C1orf21: variants seen among roughly 807,000 people sequenced by gnomAD.
C1orf21 encodes the protein chromosome 1 open reading frame 21.
In C1orf21, 3 loss-of-function variants were observed where a neutral mutation model predicts 18.7. The observed-to-expected ratio is 0.16, with a 90% CI of 0.07 to 0.42. The LOEUF is 0.42. C1orf21 is among the 10% of genes least tolerant of loss of function. C1orf21 has a pLI of 0.99. For missense variants in C1orf21, 104 were observed against 143.6 expected (o/e 0.72, Z 1.41); for synonymous variants, 41 against 46.4 (o/e 0.88, Z 0.47).
intron 3 of C1orf21, among the ~76,000 whole-genome samples, chr1:184,570,071 C>T (rs1380486855): frequency 1.3e-5 from 2 of 152,142 alleles, no homozygotes; most frequent in African/African-American, 2.4e-5. Context: ...ATCATTCTGC[C>T]TTGTTCACCC....
chr1:184,454,823 T>G (rs550265062), intron 1 of C1orf21, among the ~76,000 whole-genome samples: 120 of 152,292 alleles, frequency 7.9e-4, no homozygotes, highest in African/African-American at 2.7e-3. Flanking sequence ...TTCAACCTCT[T>G]TTCTTTATAA....
At chr1:184,564,757 C>T (rs1416960463) in intron 3 of C1orf21, among the ~76,000 whole-genome samples, 3 of 152,158 alleles carry the variant, frequency 2.0e-5, no homozygotes, top group African/African-American at 4.8e-5. Context: ...TCAGGAATTG[C>T]TAGCACTAGG....
chr1:184,392,158 A>G (rs927086592), intron 1 of C1orf21, among the ~76,000 whole-genome samples: 4 of 152,206 alleles, frequency 2.6e-5, no homozygotes, highest in Non-Finnish European at 5.9e-5. Flanking sequence ...CCTAATATTT[A>G]TAGTGTGCCT....
At chr1:184,468,088 C>A (rs1037607983) in intron 1 of C1orf21, among the ~76,000 whole-genome samples, 4 of 152,024 alleles carry the variant, frequency 2.6e-5, no homozygotes, top group African/African-American at 7.2e-5. Context: ...AAGTCCTTCC[C>A]CCCAAAAAGA....
At chr1:184,594,339 C>T (rs975981786) in intron 4 of C1orf21, among the ~76,000 whole-genome samples, 22 of 152,140 alleles carry the variant, frequency 1.4e-4, no homozygotes, top group African/African-American at 5.3e-4. Context: ...CCCCAACCCT[C>T]TCAGGATTTC....
chr1:184,589,925 G>C (rs1044528178), intron 3 of C1orf21, among the ~76,000 whole-genome samples: 1 of 152,122 alleles, frequency 6.6e-6, no homozygotes, highest in Non-Finnish European at 1.5e-5. Context: ...TCTAGATTTG[G>C]TCTTTAATTG....
chr1:184,456,537 T>G (rs1380521914), intron 1 of C1orf21, among the ~76,000 whole-genome samples: 3 of 152,228 alleles, frequency 2.0e-5, no homozygotes, highest in Non-Finnish European at 4.4e-5. Flanking sequence ...GTTTATATTC[T>G]TTTACGGTAA....
chr1:184,440,193 G>A lies in C1orf21; in HGVS notation c.-124-37193G>A, dbSNP rs551186864. Among the ~76,000 whole-genome samples the A allele has an allele frequency of 1.1e-4, 17 of 152,256 alleles. 1 individual carries two copies. The South Asian group carries it at 3.5e-3, about 32-fold the overall frequency. On this transcript the variant is annotated intron_variant, in intron 1 of 5. Transcript: ENST00000235307. ...ATTGAGACTTGCTTTAAGATGAACA[G>A]CATCAGAAAACATATTGATTTCCTT...
At chr1:184,576,403 G>A (rs1302235048) in intron 3 of C1orf21, among the ~76,000 whole-genome samples, 1 of 152,218 alleles carries the variant, frequency 6.6e-6, no homozygotes, top group Non-Finnish European at 1.5e-5. Context: ...GGGATTACAG[G>A]CGTGAGCCAC....
rs527590898 is a variant in C1orf21 at position 184,518,470 on chromosome 1, C to G, written c.189+10788C>G. ...TAGGTAAGAGTTAATACCTACTTCC[C>G]TTGAAGAAAGAGTTATATCTTCATA... On this transcript the variant is annotated intron_variant, in intron 3 of 5. Transcript: ENST00000235307. Among the ~76,000 whole-genome samples the G allele has an allele frequency of 5.9e-5, 9 of 152,246 alleles. No individual in the cohort carries two copies. In the South Asian group the frequency reaches 1.9e-3, roughly 32 times the overall value.
At chr1:184,587,547 TGTGTGTG>T (rs1379934699) in intron 3 of C1orf21, among the ~76,000 whole-genome samples, 1,839 of 151,214 alleles carry the variant, frequency 0.012, 45 homozygotes, top group African/African-American at 0.041. Context: ...TGTGTGTGTG[TGTGTGTG>T]TGTGTGTGTG....
chr1:184,590,855 C>A (rs1176207065), intron 4 of C1orf21, 40 bp downstream of exon 4: 3 of 1,515,674 alleles, frequency 2.0e-6, no homozygotes, highest in Non-Finnish European at 2.7e-6. Context: ...AGTCGGCCTT[C>A]CATATCCATG....
chr1:184,518,713 C>G (rs1369321166), intron 3 of C1orf21, among the ~76,000 whole-genome samples: 2 of 152,082 alleles, frequency 1.3e-5, no homozygotes, highest in Admixed American at 1.3e-4. Context: ...GAATCCATTT[C>G]TATTTCAGTG....
chr1:184,410,622 T>C lies in C1orf21; in HGVS notation c.-125+23254T>C, dbSNP rs1648115294. ...AGATTAATTTGCCATATATATTATA[T>C]ATATATATATATATATATATATATA... On this transcript the variant is annotated intron_variant, in intron 1 of 5. Transcript: ENST00000235307. 8.2e-4 allele frequency among the ~76,000 whole-genome samples: 3 copies of C among 3,674 alleles called. No homozygotes were observed. The Admixed American group carries it at 0.014, about 17-fold the overall frequency. The allele number at this position is 3,674 out of a possible 152,430, so 2.4% of individuals were successfully genotyped here.
chr1:184,498,451 A>C (rs1657926044), intron 2 of C1orf21, among the ~76,000 whole-genome samples: 1 of 152,156 alleles, frequency 6.6e-6, no homozygotes, highest in Non-Finnish European at 1.5e-5. Flanking sequence ...CACACAAATG[A>C]AGAAGAGTTT....
chr1:184,483,905 G>A (rs1657693119), intron 2 of C1orf21, among the ~76,000 whole-genome samples: 1 of 148,398 alleles, frequency 6.7e-6, no homozygotes. Flanking sequence ...CTTTGTGTGT[G>A]TGTGTGGGGC....
At chr1:184,554,256 A>G (rs924619443) in intron 3 of C1orf21, among the ~76,000 whole-genome samples, 1 of 152,158 alleles carries the variant, frequency 6.6e-6, no homozygotes, top group African/African-American at 2.4e-5. Flanking sequence ...TATAGTTTGA[A>G]TGTATTTGAG....
chr1:184,405,816 A>G (rs549297519), intron 1 of C1orf21, among the ~76,000 whole-genome samples: 7 of 152,122 alleles, frequency 4.6e-5, no homozygotes, highest in Non-Finnish European at 1.0e-4. Flanking sequence ...GAGCTGTTAG[A>G]CTTGCTTTTT....
At chr1:184,516,535 A>T (rs1251386999) in intron 3 of C1orf21, among the ~76,000 whole-genome samples, 1 of 152,176 alleles carries the variant, frequency 6.6e-6, no homozygotes, top group Admixed American at 6.5e-5. Context: ...GTTTAATTGG[A>T]CTTAAGTTCC....
Sources: allele counts gnomAD v4.1 joint callset (sites outside exome capture counted in the v4.1 genomes callset), GRCh38; gene constraint gnomAD v4.1.1; transcripts MANE v1.5; gene names NCBI Gene and HGNC (gene_info 2026-07-23, HGNC 2026-07-21).